NELL2: variants seen among roughly 807,000 people sequenced by gnomAD.
NELL2 encodes the protein neural EGFL like 2.
Under a neutral mutation model 109.6 loss-of-function variants are expected in NELL2, and 41 were observed. The ratio of observed to expected loss-of-function variants is 0.37; its 90% CI spans 0.29 to 0.49. NELL2 has a LOEUF of 0.49. NELL2 is among the 20% of genes least tolerant of loss of function. The probability of loss-of-function intolerance (pLI) is 0.98; values close to 1 mark genes in which losing one functional copy is unlikely to be tolerated. For synonymous variants in NELL2, 355 were observed against 344.7 expected, an observed-to-expected ratio of 1.03 and a Z score of -0.33; for missense variants, 900 against 1,008.3, an observed-to-expected ratio of 0.89 and a Z score of 1.45.
intron 1 of NELL2, among the ~76,000 whole-genome samples, chr12:44,890,862 C>T (rs190313243): frequency 5.5e-4 from 83 of 152,218 alleles, no homozygotes; most frequent in African/African-American, 1.8e-3. Flanking sequence ...TCCTGAGTAG[C>T]TGGGATTACA....
intron 13 of NELL2, among the ~76,000 whole-genome samples, chr12:44,613,993 A>G (rs1945724392): frequency 2.0e-5 from 3 of 152,062 alleles, no homozygotes; most frequent in Admixed American, 2.0e-4. Context: ...CTAAGGTAAA[A>G]TTTAAATCAA....
At chr12:44,662,242 G>C (rs1947770827) in intron 13 of NELL2, among the ~76,000 whole-genome samples, 2 of 152,084 alleles carry the variant, frequency 1.3e-5, no homozygotes, top group African/African-American at 4.8e-5. Flanking sequence ...GATCTGTAGG[G>C]TAAAAATTTC....
chr12:44,876,841 G>A (rs1945342390), upstream of NELL2: 3 of 1,320,724 alleles, frequency 2.3e-6, 1 homozygote, highest in Middle Eastern at 5.8e-4. Context: ...GCTGGGCAAA[G>A]TAGGTAGAGA....
At chr12:44,520,310 A>T (rs1439949663) in intron 18 of NELL2, 81 bp from the exon 19 acceptor site, 8 of 993,650 alleles carry the variant, frequency 8.1e-6, no homozygotes, top group Non-Finnish European at 1.2e-5. Context: ...AGATGAGCAC[A>T]GTGTTTACTG....
At chr12:44,664,478 A>T (rs748897157) in intron 13 of NELL2, among the ~76,000 whole-genome samples, 1 of 152,208 alleles carries the variant, frequency 6.6e-6, no homozygotes, top group Non-Finnish European at 1.5e-5. Context: ...ATTAGCAGAC[A>T]GTATGGACAC....
chr12:44,606,108 T>A (rs1210772361), intron 15 of NELL2, among the ~76,000 whole-genome samples: 1 of 152,086 alleles, frequency 6.6e-6, no homozygotes, highest in Non-Finnish European at 1.5e-5. Context: ...TTGAAATCAG[T>A]CACTGAAGTT....
intron 9 of NELL2, among the ~76,000 whole-genome samples, chr12:44,751,717 G>T (rs936605468): frequency 6.6e-6 from 1 of 151,920 alleles, no homozygotes; most frequent in African/African-American, 2.4e-5. Context: ...TTTTAAGGAA[G>T]TCTCCTTAAT....
chr12:44,868,193 A>G (rs183873205), intron 2 of NELL2, among the ~76,000 whole-genome samples: 1 of 151,838 alleles, frequency 6.6e-6, no homozygotes, highest in Admixed American at 6.6e-5. Context: ...TACAATGGCT[A>G]TGAAAAAGAT....
At chr12:44,567,480 T>C (rs955051161) in intron 15 of NELL2, among the ~76,000 whole-genome samples, 1 of 152,170 alleles carries the variant, frequency 6.6e-6, no homozygotes, top group African/African-American at 2.4e-5. Flanking sequence ...ACAGTAAATT[T>C]GGAATTACTC....
At chr12:44,512,069 T>G (rs1406354039) in intron 19 of NELL2, among the ~76,000 whole-genome samples, 1 of 152,064 alleles carries the variant, frequency 6.6e-6, no homozygotes, top group African/African-American at 2.4e-5. Flanking sequence ...AAGAAAATAT[T>G]TGCAAACTAT....
At chr12:44,919,532 T>C (rs1270981674) in intron 1 of NELL2, among the ~76,000 whole-genome samples, 1 of 152,136 alleles carries the variant, frequency 6.6e-6, no homozygotes, top group Non-Finnish European at 1.5e-5. Flanking sequence ...GGGTGAGCCC[T>C]AATCCAATGT....
intron 13 of NELL2, among the ~76,000 whole-genome samples, chr12:44,659,724 A>G (rs1471789302): frequency 6.6e-6 from 1 of 152,214 alleles, no homozygotes; most frequent in Non-Finnish European, 1.5e-5. Context: ...AATGCTATAA[A>G]AAGTTAAGTA....
chr12:44,882,466 A>G (rs1370717596), intron 1 of NELL2, among the ~76,000 whole-genome samples: 1 of 151,420 alleles, frequency 6.6e-6, no homozygotes, highest in Non-Finnish European at 1.5e-5. Context: ...ACATATATAC[A>G]TATGTGTATA....
At chr12:44,832,978 T>G (rs149424463) in intron 2 of NELL2, among the ~76,000 whole-genome samples, 6 of 152,192 alleles carry the variant, frequency 3.9e-5, no homozygotes, top group African/African-American at 1.4e-4. Context: ...TGTTATAAAT[T>G]TCTAGATTAT....
chr12:44,663,482 A>G (rs1947818906), intron 13 of NELL2, among the ~76,000 whole-genome samples: 1 of 152,168 alleles, frequency 6.6e-6, no homozygotes, highest in Non-Finnish European at 1.5e-5. Flanking sequence ...CCAGATCCTG[A>G]GATTCTTGGC....
intron 3 of NELL2, among the ~76,000 whole-genome samples, chr12:44,795,351 G>T (rs192916131): frequency 6.2e-4 from 94 of 152,212 alleles, no homozygotes; most frequent in Admixed American, 2.7e-3. Flanking sequence ...ACAGGCTTTG[G>T]AATTGAAAAT....
At chr12:44,718,764 T>C (rs1938617191) in intron 9 of NELL2, among the ~76,000 whole-genome samples, 1 of 152,206 alleles carries the variant, frequency 6.6e-6, no homozygotes, top group South Asian at 2.1e-4. Context: ...CTATACCATT[T>C]TGAAATCATA....
In NELL2 at chr12:44,601,076, T is replaced by C. The variant is rs190596398; in HGVS notation, c.1663+6093A>G. ...TATTTTTAAAATAAAACTGAAGATC[T>C]TATCCAAATTCCCAACTAATTCCAC... is the stretch of plus-strand genomic sequence containing the variant. On this transcript the variant is annotated intron_variant, in intron 15 of 19. Transcript: ENST00000429094. Among the ~76,000 whole-genome samples, 6 of 152,288 alleles carry C rather than the reference T, an allele frequency of 3.9e-5. No individual in the cohort carries two copies. The East Asian group carries it at 1.2e-3, about 29-fold the overall frequency.
intron 5 of NELL2, among the ~76,000 whole-genome samples, chr12:44,777,539 C>A (rs544467118): frequency 2.0e-5 from 3 of 152,088 alleles, no homozygotes; most frequent in African/African-American, 7.2e-5. Context: ...GTTTTTAAAG[C>A]CTTAAGATTA....
Sources: allele counts gnomAD v4.1 joint callset (sites outside exome capture counted in the v4.1 genomes callset), GRCh38; gene constraint gnomAD v4.1.1; transcripts MANE v1.5; gene names NCBI Gene and HGNC (gene_info 2026-07-23, HGNC 2026-07-21).